The following GRIA4 variants were observed in gnomAD, a reference collection of about 807,000 sequenced individuals.
GRIA4 encodes glutamate ionotropic receptor AMPA type subunit 4.
A neutral mutation model predicts 104.0 loss-of-function variants in GRIA4; 34 were observed. The observed-to-expected ratio is 0.33, with a 90% CI of 0.25 to 0.44. The LOEUF (loss-of-function observed/expected upper bound fraction) is 0.44, where lower values mean the gene tolerates loss of function less well. GRIA4 is among the 20% of genes least tolerant of loss of function. The pLI, the probability that GRIA4 is intolerant of heterozygous loss-of-function variation, is 1.00. For synonymous variants in GRIA4, 386 were observed against 381.9 expected, an observed-to-expected ratio of 1.01 and a Z score of -0.13; for missense variants, 750 against 1,096.5, an observed-to-expected ratio of 0.68 and a Z score of 4.46.
chr11:105,964,805 G>GTTTTTTTTTTTTTTTTTTTTTTTTTTTT (rs1565369695), intron 14 of GRIA4, among the ~76,000 whole-genome samples: 1 of 141,366 alleles, frequency 7.1e-6, no homozygotes, highest in Non-Finnish European at 1.5e-5. Context: ...TTTTTTTTTT[G>GTTTTTTTTTTTTTTTTTTTTTTTTTTTT]TTTGTTTGTT....
chr11:105,779,878 T>C (rs1445824214), intron 4 of GRIA4, among the ~76,000 whole-genome samples: 1 of 151,902 alleles, frequency 6.6e-6, no homozygotes, highest in African/African-American at 2.4e-5. Context: ...CTCACATATA[T>C]AGATTATTAT....
At chr11:105,644,508 G>T (rs533428945) in intron 3 of GRIA4, among the ~76,000 whole-genome samples, 5 of 152,134 alleles carry the variant, frequency 3.3e-5, no homozygotes, top group Non-Finnish European at 7.3e-5. Context: ...GGTGGCTGAG[G>T]TGAGGGGATT....
rs397803587 is a variant in GRIA4, at chr11:105,738,953, A to AC, written c.248-14025dup. Among the ~76,000 whole-genome samples, 162 of 148,994 alleles carry AC rather than the reference A, an allele frequency of 1.1e-3. 1 individual carries two copies. Among genetic ancestry groups the AC allele is most frequent in the Non-Finnish European group, 2.1e-3 (143 of 66,920 alleles). On this transcript the variant is annotated intron_variant, in intron 3 of 16. Coordinates refer to ENST00000282499, the MANE Select transcript of GRIA4 (RefSeq NM_000829.4). ...AACAAAAAAAAAAAAAACAAAAAAA[A>AC]CCCAAAAAAAAACCCAAATGCACCT...
At chr11:105,900,980 T>C (rs1946834351) in intron 7 of GRIA4, among the ~76,000 whole-genome samples, 1 of 152,172 alleles carries the variant, frequency 6.6e-6, no homozygotes, top group Non-Finnish European at 1.5e-5. Context: ...ATTTTGTAAA[T>C]GTGATTCCTT....
At chr11:105,966,776 C>T (rs752183791) in intron 14 of GRIA4, among the ~76,000 whole-genome samples, 8 of 152,004 alleles carry the variant, frequency 5.3e-5, no homozygotes, top group Non-Finnish European at 8.8e-5. Context: ...GTCCCAGAGC[C>T]CTTCTTCACT....
intron 3 of GRIA4, among the ~76,000 whole-genome samples, chr11:105,673,133 C>G (rs1379185669): frequency 6.6e-6 from 1 of 152,066 alleles, no homozygotes; most frequent in Non-Finnish European, 1.5e-5. Flanking sequence ...TCACTGCATG[C>G]TACTTACCTC....
chr11:105,740,397 A>C (rs972380508), intron 3 of GRIA4, among the ~76,000 whole-genome samples: 2 of 152,018 alleles, frequency 1.3e-5, no homozygotes, highest in African/African-American at 4.8e-5. Context: ...GTCATTCCAC[A>C]CTCTCTCATT....
At chr11:105,842,536 T>TA (rs1217612352) in intron 4 of GRIA4, among the ~76,000 whole-genome samples, 1 of 152,170 alleles carries the variant, frequency 6.6e-6, no homozygotes, top group Non-Finnish European at 1.5e-5. Context: ...CAAAGGGGTT[T>TA]ACTGACAAGA....
At chr11:105,639,931 A>G (rs1182586743) in intron 3 of GRIA4, among the ~76,000 whole-genome samples, 1 of 152,008 alleles carries the variant, frequency 6.6e-6, no homozygotes, top group African/African-American at 2.4e-5. Flanking sequence ...TATGAAAATG[A>G]CAATGAATAC....
chr11:105,732,749 A>T (rs1350998495), intron 3 of GRIA4, among the ~76,000 whole-genome samples: 1 of 152,172 alleles, frequency 6.6e-6, no homozygotes. Flanking sequence ...ATAAGTTAAT[A>T]TCTGGCTCAC....
At chr11:105,779,530 G>C (rs1227638981) in intron 4 of GRIA4, among the ~76,000 whole-genome samples, 1 of 151,916 alleles carries the variant, frequency 6.6e-6, no homozygotes, top group Non-Finnish European at 1.5e-5. Flanking sequence ...TTGTTCTTGC[G>C]ATAGTTTACC....
chr11:105,770,490 T>G (rs2135741215), intron 4 of GRIA4, among the ~76,000 whole-genome samples: 1 of 152,200 alleles, frequency 6.6e-6, no homozygotes, highest in South Asian at 2.1e-4. Context: ...TCACCCAAAA[T>G]AAACGCAAAA....
At chr11:105,737,292 A>C (rs1008169173) in intron 3 of GRIA4, among the ~76,000 whole-genome samples, 2 of 152,136 alleles carry the variant, frequency 1.3e-5, no homozygotes, top group African/African-American at 4.8e-5. Flanking sequence ...CACACAATTA[A>C]ATTGGCTGCT....
intron 3 of GRIA4, among the ~76,000 whole-genome samples, chr11:105,732,996 A>G (rs1938698535): frequency 6.6e-6 from 1 of 152,192 alleles, no homozygotes; most frequent in Non-Finnish European, 1.5e-5. Flanking sequence ...AATTGTGTAT[A>G]CCACACTTAA....
intron 4 of GRIA4, among the ~76,000 whole-genome samples, chr11:105,818,750 G>A (rs578148130): frequency 6.6e-6 from 1 of 152,114 alleles, no homozygotes; most frequent in Non-Finnish European, 1.5e-5. Flanking sequence ...GACAGAAAAG[G>A]CAGGCACAGA....
chr11:105,875,964 T>C (rs922251199), intron 5 of GRIA4, among the ~76,000 whole-genome samples: 2 of 152,148 alleles, frequency 1.3e-5, no homozygotes, highest in Non-Finnish European at 1.5e-5. Context: ...AGCTTTTGAA[T>C]TTGTTTGCTC....
chr11:105,806,144 CTTTG>C lies in GRIA4; in HGVS notation c.487+52936_487+52939del, dbSNP rs370758920. ...CCCATTAAATAAGATGAACTGAATT[CTTTG>C]TTTGTTTGTTTACCACCATTTTCTC... On this transcript the variant is annotated intron_variant, in intron 4 of 16. Transcript: ENST00000282499. Among the ~76,000 whole-genome samples, 21 of 151,872 alleles carry C rather than the reference CTTTG, an allele frequency of 1.4e-4. No homozygotes were observed. The East Asian group carries it at 2.3e-3, about 17-fold the overall frequency.
intron 4 of GRIA4, among the ~76,000 whole-genome samples, chr11:105,791,809 A>G (rs1436959224): frequency 6.6e-6 from 1 of 152,198 alleles, no homozygotes; most frequent in African/African-American, 2.4e-5. Flanking sequence ...AACATTAGAA[A>G]TTTAATACTA....
At chr11:105,747,736 T>C (rs1470426170) in intron 3 of GRIA4, among the ~76,000 whole-genome samples, 1 of 152,100 alleles carries the variant, frequency 6.6e-6, no homozygotes, top group Admixed American at 6.6e-5. Flanking sequence ...ACCAAAAAGA[T>C]TCATACCCCT....
Sources: gnomAD v4.1 joint callset for allele counts (sites outside exome capture counted in the v4.1 genomes callset) on GRCh38, gnomAD v4.1.1 for gene constraint, MANE v1.5 for transcripts, NCBI Gene and HGNC (gene_info 2026-07-23, HGNC 2026-07-21) for gene names.